Variants in ARK2C observed in about 807,000 individuals in gnomAD.
ARK2C encodes the protein arkadia (RNF111) C-terminal like ring finger ubiquitin ligase 2C.
the ARK2C span, among the ~76,000 whole-genome samples, chr18:46,398,260 T>C: frequency 1.3e-5 from 2 of 148,332 alleles, no homozygotes; most frequent in Non-Finnish European, 3.0e-5. Context: ...GGTGTGAGGG[T>C]GTGTGTGCAT....
chr18:46,385,434 G>C, the ARK2C span, among the ~76,000 whole-genome samples: 2 of 152,310 alleles, frequency 1.3e-5, no homozygotes, highest in East Asian at 3.9e-4. Flanking sequence ...ATTCTGAAGA[G>C]GAAGGTGTTG....
the ARK2C span, among the ~76,000 whole-genome samples, chr18:46,370,837 T>C: frequency 5.3e-5 from 8 of 152,080 alleles, no homozygotes; most frequent in African/African-American, 1.9e-4. Flanking sequence ...CTGTTGGAAC[T>C]CAGGGGGCGT....
chr18:46,338,684 A>C, the ARK2C span, among the ~76,000 whole-genome samples: 1 of 152,212 alleles, frequency 6.6e-6, no homozygotes, highest in Non-Finnish European at 1.5e-5. Flanking sequence ...GTGGAACCCA[A>C]ATTCAGCCAT....
At chr18:46,437,741 C>T in the ARK2C span, among the ~76,000 whole-genome samples, 2 of 152,212 alleles carry the variant, frequency 1.3e-5, no homozygotes, top group East Asian at 3.9e-4. Context: ...AAGCCGCAAC[C>T]CAGGGCCTGA....
the ARK2C span, among the ~76,000 whole-genome samples, chr18:46,430,154 A>T: frequency 6.6e-6 from 1 of 152,090 alleles, no homozygotes; most frequent in Non-Finnish European, 1.5e-5. Flanking sequence ...TGAGAAGGTT[A>T]ATTTTTTTTG....
chr18:46,449,365 A>T, the ARK2C span, among the ~76,000 whole-genome samples: 1 of 152,134 alleles, frequency 6.6e-6, no homozygotes, highest in African/African-American at 2.4e-5. Flanking sequence ...ATTTGACTTT[A>T]AAAAACATTG....
chr18:46,455,330 G>T, the ARK2C span, among the ~76,000 whole-genome samples: 1 of 152,182 alleles, frequency 6.6e-6, no homozygotes, highest in Non-Finnish European at 1.5e-5. Flanking sequence ...GTTGTAAAGG[G>T]TGTTGAGGGG....
At chr18:46,380,183 G>A in the ARK2C span, among the ~76,000 whole-genome samples, 1 of 152,198 alleles carries the variant, frequency 6.6e-6, no homozygotes, top group Non-Finnish European at 1.5e-5. Flanking sequence ...GCTATAAAAT[G>A]GAAGACTGGA....
At chr18:46,352,206 G>GGTTC in the ARK2C span, among the ~76,000 whole-genome samples, 1 of 152,156 alleles carries the variant, frequency 6.6e-6, no homozygotes, top group Non-Finnish European at 1.5e-5. Flanking sequence ...CTATCCAGGA[G>GGTTC]GTTCACCTTG....
At chr18:46,365,292 C>T in the ARK2C span, among the ~76,000 whole-genome samples, 1 of 152,310 alleles carries the variant, frequency 6.6e-6, no homozygotes, top group South Asian at 2.1e-4. Flanking sequence ...GGTCCCCACC[C>T]TACACTCCCC....
the ARK2C span, among the ~76,000 whole-genome samples, chr18:46,374,132 C>T: frequency 1.1e-4 from 16 of 152,312 alleles, no homozygotes; most frequent in African/African-American, 2.9e-4. Flanking sequence ...TTCTCACACA[C>T]GAGAAGACTG....
chr18:46,406,896 T>A, the ARK2C span, among the ~76,000 whole-genome samples: 1 of 147,790 alleles, frequency 6.8e-6, no homozygotes, highest in Non-Finnish European at 1.5e-5. Context: ...ATCCTTACCC[T>A]GATGGGACAC....
the ARK2C span, among the ~76,000 whole-genome samples, chr18:46,424,084 A>G: frequency 5.3e-5 from 8 of 152,366 alleles, no homozygotes; most frequent in East Asian, 1.5e-3. Flanking sequence ...GATAAAATTC[A>G]TACACAAACA....
chr18:46,342,383 T>A, the ARK2C span, among the ~76,000 whole-genome samples: 1 of 152,230 alleles, frequency 6.6e-6, no homozygotes, highest in African/African-American at 2.4e-5. Context: ...AGGCTCTTTG[T>A]CCACAGTGGA....
chr18:46,390,259 C>A, the ARK2C span, among the ~76,000 whole-genome samples: 2 of 152,176 alleles, frequency 1.3e-5, no homozygotes, highest in African/African-American at 4.8e-5. Flanking sequence ...GTCTAAATCA[C>A]CCCATCTTTC....
At chr18:46,450,760 C>T in the ARK2C span, 2 of 1,613,956 alleles carry the variant, frequency 1.2e-6, no homozygotes, top group Non-Finnish European at 8.5e-7. Context: ...CTGTACAGAA[C>T]ACCATTGAGA....
the ARK2C span, among the ~76,000 whole-genome samples, chr18:46,376,401 C>G: frequency 1.3e-5 from 2 of 152,224 alleles, no homozygotes; most frequent in East Asian, 1.9e-4. Context: ...CAGCGTGGCC[C>G]TGGACTGCCT....
the ARK2C span, among the ~76,000 whole-genome samples, chr18:46,408,828 A>G: frequency 6.6e-6 from 1 of 152,188 alleles, no homozygotes; most frequent in Non-Finnish European, 1.5e-5. Context: ...GAGCTTAGAT[A>G]GTCTGTGATG....
At chr18:46,422,305 C>A in the ARK2C span, among the ~76,000 whole-genome samples, 30,604 of 152,198 alleles carry the variant, frequency 0.2, 3,434 homozygotes, top group East Asian at 0.38. Flanking sequence ...AGCACCCTGC[C>A]TCTGAATGAC....
Sources: gnomAD v4.1 joint callset for allele counts (sites outside exome capture counted in the v4.1 genomes callset) on GRCh38, gnomAD v4.1.1 for gene constraint, MANE v1.5 for transcripts, NCBI Gene and HGNC (gene_info 2026-07-23, HGNC 2026-07-21) for gene names.